The following OSCAR variants were observed in gnomAD, a reference collection of about 807,000 sequenced individuals.
OSCAR encodes osteoclast associated Ig-like receptor.
In OSCAR, 25 loss-of-function variants were observed where a neutral mutation model predicts 27.3. The ratio of observed to expected loss-of-function variants is 0.92; its 90% CI spans 0.67 to 1.28. The LOEUF (loss-of-function observed/expected upper bound fraction) is 1.28, where lower values mean the gene tolerates loss of function less well. Ranked by LOEUF, OSCAR falls within the 50% of genes most tolerant of loss-of-function variation. The pLI, the probability that OSCAR is intolerant of heterozygous loss-of-function variation, is 0.00. For synonymous variants in OSCAR, 158 were observed against 165.7 expected (o/e 0.95, Z 0.36); for missense variants, 354 against 355.1 (o/e 1.00, Z 0.03).
Position 54,095,170 on chromosome 19 carries a change from A to T in OSCAR, c.*51T>A. 6.3e-7 allele frequency: 1 copy of T among 1,584,970 alleles called. No individual in the cohort carries two copies. The highest frequency in any genetic ancestry group is 8.6e-7 in the Non-Finnish European group (1 of 1,165,208). ...AAAGGACAGTCCAGCCCAGGGTCCC[A>T]GCTTCTCCGCCACTCAGGTTGGAAG... On this transcript the variant is annotated 3_prime_UTR_variant, in exon 5 of 5. Coordinates refer to ENST00000358375, the MANE Select transcript of OSCAR (RefSeq NM_133169.6).
intron 1 of OSCAR, among the ~76,000 whole-genome samples, chr19:54,100,447 T>C (rs1328161490): frequency 6.6e-6 from 1 of 152,048 alleles, no homozygotes; most frequent in African/African-American, 2.4e-5. Flanking sequence ...CCCAGCCCCC[T>C]TTTCCCAGGG....
At chr19:54,099,312 G>A (rs757530364) in intron 2 of OSCAR, among the ~76,000 whole-genome samples, 10 of 137,408 alleles carry the variant, frequency 7.3e-5, no homozygotes, top group South Asian at 2.4e-4. Flanking sequence ...CTTGTGATCC[G>A]CCCGCCTCTG....
In OSCAR at chr19:54,095,854, G is replaced by T; in HGVS notation, c.655+18C>A. 5 of 1,552,236 alleles carry T rather than the reference G, an allele frequency of 3.2e-6. No individual in the cohort carries two copies. The highest frequency in any genetic ancestry group is 4.4e-6 in the Non-Finnish European group (5 of 1,147,352). On this transcript the variant is annotated intron_variant, in intron 4 of 4. Coordinates refer to ENST00000358375, the MANE Select transcript of OSCAR (RefSeq NM_133169.6). ...ATTCCTGGGGCGGAGGAGGCGGGCC[G>T]GGCCTCAGGGCCCTCACCTTCCCAG...
chr19:54,097,017 A>C lies in OSCAR; in HGVS notation c.218T>G (p.Leu73Arg). The change falls in exon 3 of 5, where the codon CTT (leucine) becomes CGT (arginine). Residue 73 changes from leucine (L) to arginine (R), a missense_variant. Transcript: ENST00000358375. ...GLFKPGEIAP[L>R]LFRDVSSELA... The stretch of plus-strand genomic sequence containing the variant: ...CTCGGAGGACACATCCCGGAAGAGA[A>C]GGGGAGCGATCTCTCCAGGCTTGAA... The C allele has an allele frequency of 6.2e-7, 1 of 1,614,192 alleles. No homozygotes were observed. Among genetic ancestry groups the C allele is most frequent in the Non-Finnish European group, 8.5e-7 (1 of 1,180,038 alleles).
At position 54,095,064 on chromosome 19, in the gene OSCAR, G is replaced by T; in HGVS notation, c.*157C>A. The T allele has an allele frequency of 8.0e-7, 1 of 1,251,438 alleles. No individual in the cohort carries two copies. Among genetic ancestry groups the T allele is most frequent in the Non-Finnish European group, 1.1e-6 (1 of 944,532 alleles). The allele number at this position is 1,251,438 out of a possible 1,614,324, so 77.5% of individuals were successfully genotyped here. A position where few individuals can be genotyped will look rare whatever the true frequency, so the allele number is the denominator to read the frequency against. On this transcript the variant is annotated 3_prime_UTR_variant, in exon 5 of 5. Transcript: ENST00000358375. ...TCAGCTACTCCTTGGGAAAGGCCTG[G>T]AAAGAAGCTACAGCACAGGGCACAG...
At chr19:54,095,422 C>G (rs2072590844) in intron 4 of OSCAR, 65 bp from the exon 5 acceptor site, 3 of 1,512,534 alleles carry the variant, frequency 2.0e-6, no homozygotes, top group African/African-American at 2.8e-5. Flanking sequence ...GCCCTGAACT[C>G]CAGGTTTCCA....
Position 54,099,765 on chromosome 19 carries a change from G to C in OSCAR, c.53C>G (p.Thr18Arg), listed in dbSNP as rs774941662. Residue 18 changes from threonine (T) to arginine (R), a missense_variant, in exon 2 of 5, where the codon ACA becomes AGA. Transcript: ENST00000358375. ...CTACTCACCAGACGGAGTGATGTCT[G>C]TGTGACACAGAGGCCCTGTAGGAGG... ...QLLTLWPLCH[T>R]DITPSVPPAS... The C allele has an allele frequency of 5.6e-6, 9 of 1,613,682 alleles. No homozygotes were observed. Among genetic ancestry groups the C allele is most frequent in the Non-Finnish European group, 6.8e-6 (8 of 1,179,808 alleles).
chr19:54,095,161 C>T lies in OSCAR; in HGVS notation c.*60G>A. The stretch of plus-strand genomic sequence containing the variant: ...GGCTGCAGGAAAGGACAGTCCAGCC[C>T]AGGGTCCCAGCTTCTCCGCCACTCA... On this transcript the variant is annotated 3_prime_UTR_variant, in exon 5 of 5. Coordinates refer to ENST00000358375, the MANE Select transcript of OSCAR (RefSeq NM_133169.6). The T allele has an allele frequency of 6.4e-7, 1 of 1,570,882 alleles. No individual in the cohort carries two copies. Among genetic ancestry groups the T allele is most frequent in the African/African-American group, 1.3e-5 (1 of 74,380 alleles).
intron 2 of OSCAR, among the ~76,000 whole-genome samples, chr19:54,098,994 TAAATAAATA>T (rs1202459302): frequency 6.6e-6 from 1 of 151,666 alleles, no homozygotes; most frequent in Non-Finnish European, 1.5e-5. Context: ...AATAAATAAA[TAAATAAATA>T]AAATAAATAG....
Position 54,099,734 on chromosome 19 carries a change from G to C in OSCAR, c.70+14C>G. The C allele has an allele frequency of 1.9e-6, 3 of 1,613,852 alleles. No homozygotes were observed. Among genetic ancestry groups the C allele is most frequent in the Non-Finnish European group, 1.7e-6 (2 of 1,179,826 alleles). On this transcript the variant is annotated intron_variant, in intron 2 of 4. Coordinates refer to ENST00000358375, the MANE Select transcript of OSCAR (RefSeq NM_133169.6). ...GTCAGCAACAAAAGGAGAGTGGATG[G>C]GGTGGCTACTCACCAGACGGAGTGA...
At chr19:54,095,458 G>A in intron 4 of OSCAR, 101 bp from the exon 5 acceptor site, 1 of 1,470,912 alleles carries the variant, frequency 6.8e-7, no homozygotes, top group East Asian at 2.5e-5. Context: ...TTAGGGACCT[G>A]ACTCTACAGT....
At position 54,095,897 on chromosome 19, in the gene OSCAR, G is replaced by T; in HGVS notation, c.630C>A (p.Ser210Arg). The change falls in exon 4 of 5, where the codon AGC (serine) becomes AGA (arginine). Residue 210 changes from serine to arginine, a missense_variant. By Grantham distance (110) the Ser-to-Arg change is moderately radical. Transcript: ENST00000358375. ...CTTCCCAGCTGATGACCAGCACCTC[G>T]CTGCGCTGCGACAGCACGTAGGGCG... The part of the protein sequence containing the change: ...PSAPYVLSQR[S>R]EVLVISWEDS... 1 of 1,566,238 alleles carries T rather than the reference G, an allele frequency of 6.4e-7. No individual in the cohort carries two copies.
rs1600250713 is a variant in OSCAR at position 54,097,012 on chromosome 19, A to G, written c.223T>C (p.Phe75Leu). The change falls in exon 3 of 5, where the codon TTC becomes CTC. Residue 75 changes from phenylalanine to leucine, a missense_variant. By Grantham distance (22) the Phe-to-Leu change is conservative. Transcript: ENST00000358375. Reference sequence around the variant, plus strand: ...GCCAGCTCGGAGGACACATCCCGGAAGAGAAGGGGAGCGATCTCTCCAGGC... The same window carrying G: ...GCCAGCTCGGAGGACACATCCCGGAGGAGAAGGGGAGCGATCTCTCCAGGC... ...FKPGEIAPLL[F>L]RDVSSELAEF... 1 of 1,614,172 alleles carries G rather than the reference A, an allele frequency of 6.2e-7. No individual in the cohort carries two copies. The highest frequency in any genetic ancestry group is 1.6e-4 in the Middle Eastern group (1 of 6,062).
intron 2 of OSCAR, among the ~76,000 whole-genome samples, chr19:54,099,058 T>TG (rs2072895208): frequency 3.5e-4 from 14 of 40,088 alleles, no homozygotes; most frequent in African/African-American, 3.1e-3. Context: ...AAAAGAGTTT[T>TG]TTTTGTTTGT....
intron 3 of OSCAR, among the ~76,000 whole-genome samples, 186 bp downstream of exon 3, chr19:54,096,676 A>G (rs1489214828): frequency 4.0e-5 from 3 of 75,212 alleles, no homozygotes; most frequent in African/African-American, 1.6e-4. Flanking sequence ...CTCCCCCCGC[A>G]CTGTACCTCT....
chr19:54,096,697 G>C (rs867021858), intron 3 of OSCAR, among the ~76,000 whole-genome samples, 165 bp downstream of exon 3: 1,611 of 133,622 alleles, frequency 0.012, 93 homozygotes, highest in Admixed American at 0.11. Flanking sequence ...CTCTCTCTCT[G>C]CTCCCCTGTC....
Position 54,096,998 on chromosome 19 carries a change from G to A in OSCAR, c.237C>T (p.Ser79=), listed in dbSNP as rs1199033748. The stretch of plus-strand genomic sequence containing the variant: ...CCAGAAAGAATTCTGCCAGCTCGGA[G>A]GACACATCCCGGAAGAGAAGGGGAG... ...EIAPLLFRDV[S]SELAEFFLEE... The change falls in exon 3 of 5, where the codon TCC becomes TCT. Residue 79 remains serine (S), a synonymous_variant. Transcript: ENST00000358375. The A allele has an allele frequency of 3.0e-5, 48 of 1,614,170 alleles. No homozygotes were observed. The highest frequency in any genetic ancestry group is 3.6e-5 in the Non-Finnish European group (43 of 1,180,038).
Position 54,094,884 on chromosome 19 carries a change from C to T in OSCAR, c.*337G>A, listed in dbSNP as rs760916529. ...TCCTCTTGTAAGACAGAAAAGTTCTCCAGGTCCCCATTCAACCCAGGAAGT... is the reference window on the plus strand; with the variant it reads ...TCCTCTTGTAAGACAGAAAAGTTCTTCAGGTCCCCATTCAACCCAGGAAGT... On this transcript the variant is annotated 3_prime_UTR_variant, in exon 5 of 5. Coordinates refer to ENST00000358375, the MANE Select transcript of OSCAR (RefSeq NM_133169.6). 2.9e-5 allele frequency: 8 copies of T among 277,804 alleles called. No individual in the cohort carries two copies. Among genetic ancestry groups the T allele is most frequent in the Non-Finnish European group, 4.7e-5 (7 of 149,024 alleles). 17.2% of individuals were successfully genotyped at this position (277,804 alleles called of 1,614,324 possible). A position where few individuals can be genotyped will look rare whatever the true frequency, so the allele number is the denominator to read the frequency against.
chr19:54,097,395 AC>A (rs753287284), intron 2 of OSCAR, among the ~76,000 whole-genome samples: 2 of 151,978 alleles, frequency 1.3e-5, no homozygotes, highest in Non-Finnish European at 2.9e-5. Flanking sequence ...CAGTTTGTAA[AC>A]ACAGTTTCAA....
Sources: allele counts gnomAD v4.1 joint callset (sites outside exome capture counted in the v4.1 genomes callset), GRCh38; gene constraint gnomAD v4.1.1; transcripts MANE v1.5; gene names NCBI Gene and HGNC (gene_info 2026-07-23, HGNC 2026-07-21).